GARIN2: variants seen among roughly 807,000 people sequenced by gnomAD.
GARIN2 encodes golgi associated RAB2 interactor family member 2.
the GARIN2 span, among the ~76,000 whole-genome samples, chr14:67,206,994 T>C: frequency 1.3e-5 from 2 of 152,222 alleles, no homozygotes; most frequent in African/African-American, 4.8e-5. Flanking sequence ...CAAGCAAAAA[T>C]ATTCTACCTT....
At chr14:67,198,196 T>C in the GARIN2 span, 2 of 1,613,650 alleles carry the variant, frequency 1.2e-6, no homozygotes, top group East Asian at 2.2e-5. Context: ...ACCATGAGGA[T>C]CAATAAGCAA....
At chr14:67,204,724 A>T in the GARIN2 span, 3 of 1,613,994 alleles carry the variant, frequency 1.9e-6, no homozygotes, top group African/African-American at 1.3e-5. Flanking sequence ...CAAAGTTTCC[A>T]AAGTGTCGGA....
At chr14:67,201,050 C>A in the GARIN2 span, among the ~76,000 whole-genome samples, 6 of 152,262 alleles carry the variant, frequency 3.9e-5, no homozygotes, top group East Asian at 1.2e-3. Context: ...AATCCCAGTA[C>A]TTTGAAAGGA....
chr14:67,193,090 ATC>A, the GARIN2 span, among the ~76,000 whole-genome samples: 4 of 144,030 alleles, frequency 2.8e-5, no homozygotes, highest in Non-Finnish European at 6.0e-5. Flanking sequence ...ATCTATCTAT[ATC>A]TCTATATATC....
At chr14:67,192,273 C>T in the GARIN2 span, among the ~76,000 whole-genome samples, 3 of 152,072 alleles carry the variant, frequency 2.0e-5, no homozygotes, top group Non-Finnish European at 4.4e-5. Context: ...ACAAAAGATT[C>T]CATGTGTCTG....
At chr14:67,224,704 A>G in the GARIN2 span, 1 of 302,874 alleles carries the variant, frequency 3.3e-6, no homozygotes, top group Non-Finnish European at 6.5e-6. Flanking sequence ...AAAGAGACAA[A>G]GGATAGAGAT....
the GARIN2 span, among the ~76,000 whole-genome samples, chr14:67,215,003 TG>T: frequency 1.3e-5 from 2 of 152,188 alleles, no homozygotes; most frequent in African/African-American, 4.8e-5. Context: ...TTGTGATTTT[TG>T]CACATTGATT....
At chr14:67,190,309 C>T in the GARIN2 span, among the ~76,000 whole-genome samples, 3 of 151,186 alleles carry the variant, frequency 2.0e-5, no homozygotes, top group Non-Finnish European at 4.4e-5. Flanking sequence ...CTGCAACCTC[C>T]ACCTCCCAGG....
the GARIN2 span, among the ~76,000 whole-genome samples, chr14:67,220,830 C>T: frequency 6.6e-6 from 1 of 152,152 alleles, no homozygotes; most frequent in Non-Finnish European, 1.5e-5. Context: ...TAGAAAATTA[C>T]GATTTTAACA....
the GARIN2 span, among the ~76,000 whole-genome samples, chr14:67,193,963 A>C: frequency 5.4e-5 from 8 of 149,202 alleles, no homozygotes; most frequent in Admixed American, 3.3e-4. Flanking sequence ...ACAAAAAAAA[A>C]ACGAAAAACA....
At chr14:67,210,398 C>G in the GARIN2 span, among the ~76,000 whole-genome samples, 1 of 151,046 alleles carries the variant, frequency 6.6e-6, no homozygotes, top group Non-Finnish European at 1.5e-5. Context: ...CCCACCTGGA[C>G]AACATAGGGA....
chr14:67,210,122 A>G, the GARIN2 span, among the ~76,000 whole-genome samples: 2 of 152,260 alleles, frequency 1.3e-5, no homozygotes, highest in Admixed American at 6.5e-5. Flanking sequence ...GTAACATGTC[A>G]AAGAAATCAT....
At chr14:67,196,744 C>T in the GARIN2 span, 2 of 152,204 alleles carry the variant, frequency 1.3e-5, no homozygotes, top group Non-Finnish European at 2.9e-5. Context: ...TGGTTCCACT[C>T]ACCAAAAGAC....
chr14:67,199,062 A>T, the GARIN2 span: 1 of 827,504 alleles, frequency 1.2e-6, no homozygotes, highest in Non-Finnish European at 2.1e-6. Context: ...CTCTTTTGCC[A>T]TGGCTACCAG....
chr14:67,200,551 T>TA, the GARIN2 span: 108 of 235,638 alleles, frequency 4.6e-4, no homozygotes, highest in East Asian at 1.6e-3. Flanking sequence ...ACTCCTTGTT[T>TA]AAAAAAAAAT....
chr14:67,215,310 G>A, the GARIN2 span, among the ~76,000 whole-genome samples: 1 of 152,144 alleles, frequency 6.6e-6, no homozygotes, highest in African/African-American at 2.4e-5. Flanking sequence ...ATGGTTCAAT[G>A]TGGGAATTGC....
chr14:67,224,637 A>G, the GARIN2 span: 1 of 293,958 alleles, frequency 3.4e-6, no homozygotes. Context: ...TTTTTTTTTT[A>G]CAGTGAGCCC....
the GARIN2 span, among the ~76,000 whole-genome samples, chr14:67,212,492 G>T: frequency 6.6e-6 from 1 of 150,996 alleles, no homozygotes; most frequent in African/African-American, 2.4e-5. Context: ...TAGGGAGGCT[G>T]AAGTGGAAGG....
chr14:67,199,561 C>T, the GARIN2 span: 1 of 1,598,506 alleles, frequency 6.3e-7, no homozygotes, highest in Non-Finnish European at 8.6e-7. Flanking sequence ...GGCAGTACCT[C>T]TGTAACCACC....
Sources: gnomAD v4.1 joint callset for allele counts (sites outside exome capture counted in the v4.1 genomes callset) on GRCh38, gnomAD v4.1.1 for gene constraint, MANE v1.5 for transcripts, NCBI Gene and HGNC (gene_info 2026-07-23, HGNC 2026-07-21) for gene names.